The following TENM2 variants were observed in gnomAD, a reference collection of about 807,000 sequenced individuals.
TENM2 encodes the protein teneurin transmembrane protein 2.
In TENM2, 52 loss-of-function variants were observed where a neutral mutation model predicts 245.2. That is an observed-to-expected ratio of 0.21 (90% CI 0.17 to 0.27). The LOEUF (loss-of-function observed/expected upper bound fraction) is 0.27. TENM2 is among the 10% of genes least tolerant of loss of function. TENM2 has a pLI of 1.00. For synonymous variants in TENM2, 1,363 were observed against 1,438.9 expected, an observed-to-expected ratio of 0.95 and a Z score of 1.19; for missense variants, 3,046 against 3,666.8, an observed-to-expected ratio of 0.83 and a Z score of 4.37.
intron 1 of TENM2, among the ~76,000 whole-genome samples, chr5:167,285,904 T>A (rs550176888): frequency 6.6e-6 from 1 of 152,386 alleles, no homozygotes; most frequent in African/African-American, 2.4e-5. Flanking sequence ...CTCATTTGTT[T>A]TATAACACTG....
the TENM2 span, among the ~76,000 whole-genome samples, chr5:167,125,122 G>C: frequency 1.3e-5 from 2 of 152,172 alleles, no homozygotes; most frequent in East Asian, 3.9e-4. Flanking sequence ...GTTTAAACAA[G>C]CCCCTTGAAT....
intron 2 of TENM2, among the ~76,000 whole-genome samples, chr5:167,524,840 C>T (rs79507614): frequency 1.9e-4 from 28 of 151,270 alleles, no homozygotes; most frequent in East Asian, 1.2e-3. Context: ...AATTTTTACA[C>T]GCTCACAAAT....
intron 13 of TENM2, among the ~76,000 whole-genome samples, chr5:168,178,124 G>A (rs910879488): frequency 6.6e-6 from 1 of 152,038 alleles, no homozygotes; most frequent in Non-Finnish European, 1.5e-5. Flanking sequence ...CAGGGACAAG[G>A]TCTCCCCTCA....
intron 2 of TENM2, among the ~76,000 whole-genome samples, chr5:167,686,001 G>A (rs554884562): frequency 1.7e-4 from 26 of 152,174 alleles, no homozygotes; most frequent in Admixed American, 2.6e-4. Context: ...CCACATCCTC[G>A]TCAGTAAAAT....
At chr5:167,377,944 G>A (rs1760864038) in intron 2 of TENM2, among the ~76,000 whole-genome samples, 1 of 152,116 alleles carries the variant, frequency 6.6e-6, no homozygotes. Flanking sequence ...CTTTCTTGAA[G>A]AGGAAGTAAC....
At chr5:167,262,964 G>A in the TENM2 span, among the ~76,000 whole-genome samples, 2 of 152,106 alleles carry the variant, frequency 1.3e-5, no homozygotes, top group Non-Finnish European at 2.9e-5. Context: ...ACTTCCCACT[G>A]CATTCTCAAC....
the TENM2 span, among the ~76,000 whole-genome samples, chr5:166,995,530 C>T: frequency 0.72 from 109,582 of 151,942 alleles, 40,261 homozygotes; most frequent in Non-Finnish European, 0.81. Context: ...CATGAGCCAC[C>T]GCGCCCGGCC....
At chr5:167,703,530 CAAAAA>C (rs747603141) in intron 2 of TENM2, among the ~76,000 whole-genome samples, 18,283 of 97,248 alleles carry the variant, frequency 0.19, 1,996 homozygotes, top group African/African-American at 0.36. Context: ...GAAACCATCT[CAAAAA>C]AAAAAAAAAA....
chr5:168,224,022 C>T (rs182614875), intron 23 of TENM2, among the ~76,000 whole-genome samples: 44 of 152,204 alleles, frequency 2.9e-4, no homozygotes, highest in Admixed American at 4.6e-4. Flanking sequence ...CCCATGTTGT[C>T]GATCCTGATG....
intron 3 of TENM2, among the ~76,000 whole-genome samples, chr5:167,922,013 G>C (rs1044297046): frequency 6.6e-6 from 1 of 152,186 alleles, no homozygotes; most frequent in Non-Finnish European, 1.5e-5. Context: ...AGAAACTCTA[G>C]TGGACAGGGC....
chr5:167,877,600 A>G (rs1215855698), intron 3 of TENM2, among the ~76,000 whole-genome samples: 1 of 152,210 alleles, frequency 6.6e-6, no homozygotes, highest in Non-Finnish European at 1.5e-5. Flanking sequence ...AATCATAACT[A>G]GCATAACCAC....
At chr5:167,101,601 G>A in the TENM2 span, among the ~76,000 whole-genome samples, 1 of 151,418 alleles carries the variant, frequency 6.6e-6, no homozygotes, top group Non-Finnish European at 1.5e-5. Context: ...CAGTACAAAC[G>A]GCACTGCATT....
the TENM2 span, among the ~76,000 whole-genome samples, chr5:167,046,281 C>T: frequency 5.4e-3 from 828 of 152,010 alleles, 8 homozygotes; most frequent in African/African-American, 0.019. Flanking sequence ...CCAAATATTT[C>T]GTTTATTTCC....
chr5:167,045,520 C>T, the TENM2 span, among the ~76,000 whole-genome samples: 1 of 152,164 alleles, frequency 6.6e-6, no homozygotes, highest in Non-Finnish European at 1.5e-5. Context: ...TCTCCTTCAC[C>T]TTGCAGCCCT....
chr5:168,086,084 A>C lies in TENM2; in HGVS notation c.1516-4490A>C, dbSNP rs113102606. 6.5e-3 allele frequency among the ~76,000 whole-genome samples: 986 copies of C among 152,218 alleles called. 4 individuals carry two copies. The highest frequency in any genetic ancestry group is 0.01 in the Non-Finnish European group (701 of 68,006). On this transcript the variant is annotated intron_variant, in intron 7 of 28. Transcript: ENST00000518659. ...TGGACCCAGTAATAACATCTTCCCG[A>C]AGGGCAATGAGTCTGTCTTTAACCT... is the stretch of plus-strand genomic sequence containing the variant.
At chr5:166,993,541 C>T in the TENM2 span, among the ~76,000 whole-genome samples, 82 of 152,194 alleles carry the variant, frequency 5.4e-4, 1 homozygote, top group Admixed American at 3.7e-3. Context: ...AGACAGTTTT[C>T]CTCAGTTAGA....
the TENM2 span, among the ~76,000 whole-genome samples, chr5:167,228,990 G>A: frequency 1.1e-4 from 17 of 152,256 alleles, no homozygotes; most frequent in South Asian, 4.1e-4. Context: ...GTGAGCCACC[G>A]CGTCCGGCCC....
intron 5 of TENM2, among the ~76,000 whole-genome samples, chr5:168,023,915 T>C (rs2151920650): frequency 6.6e-6 from 1 of 152,306 alleles, no homozygotes; most frequent in South Asian, 2.1e-4. Context: ...TTGATCTCTC[T>C]GCTTTGTGAT....
the TENM2 span, among the ~76,000 whole-genome samples, chr5:167,157,085 A>T: frequency 6.6e-6 from 1 of 152,098 alleles, no homozygotes; most frequent in African/African-American, 2.4e-5. Context: ...AGTTTTGTAG[A>T]CTCTCACACC....
Sources: gnomAD v4.1 joint callset for allele counts (sites outside exome capture counted in the v4.1 genomes callset) on GRCh38, gnomAD v4.1.1 for gene constraint, MANE v1.5 for transcripts, NCBI Gene and HGNC (gene_info 2026-07-23, HGNC 2026-07-21) for gene names.